TBC1D30: variants seen among roughly 807,000 people sequenced by gnomAD.
The protein encoded by TBC1D30 is TBC1 domain family member 30.
In TBC1D30, 31 loss-of-function variants were observed where a neutral mutation model predicts 63.2. The ratio of observed to expected loss-of-function variants is 0.49; its 90% CI spans 0.37 to 0.66. TBC1D30 has a LOEUF of 0.66. Among genes scored for constraint, TBC1D30 ranks in the 30% least tolerant of loss-of-function variants. The pLI is 0.00. For missense variants in TBC1D30, 810 were observed against 953.6 expected (o/e 0.85, Z 1.98); for synonymous variants, 307 against 361.5 (o/e 0.85, Z 1.71).
At chr12:64,848,859 C>A (rs1876620814) in intron 8 of TBC1D30, among the ~76,000 whole-genome samples, 1 of 152,204 alleles carries the variant, frequency 6.6e-6, no homozygotes, top group Non-Finnish European at 1.5e-5. Context: ...CACTGTCTTC[C>A]ACAATGGTTG....
chr12:64,783,562 G>T (rs1046316658), intron 1 of TBC1D30, among the ~76,000 whole-genome samples: 2 of 152,128 alleles, frequency 1.3e-5, no homozygotes, highest in South Asian at 2.1e-4. Flanking sequence ...GGCTATGGCC[G>T]ATGTCATGGA....
At chr12:64,762,029 A>C (rs190371609) in intron 1 of TBC1D30, among the ~76,000 whole-genome samples, 452 of 152,332 alleles carry the variant, frequency 3.0e-3, no homozygotes, top group African/African-American at 0.01. Context: ...CTATGAAGGA[A>C]AAGTAAAGGG....
At chr12:64,847,475 T>G (rs1876494147) in intron 8 of TBC1D30, among the ~76,000 whole-genome samples, 2 of 152,180 alleles carry the variant, frequency 1.3e-5, no homozygotes, top group African/African-American at 4.8e-5. Flanking sequence ...CATTACATTA[T>G]TTATTTGACG....
chr12:64,838,308 A>G (rs555794590), intron 6 of TBC1D30, among the ~76,000 whole-genome samples: 1 of 152,332 alleles, frequency 6.6e-6, no homozygotes, highest in East Asian at 1.9e-4. Flanking sequence ...TTTGAATATA[A>G]GTGGGCATTA....
rs1879019342 is a variant in TBC1D30, at chr12:64,875,721, A to C, written c.2219A>C (p.His740Pro). 1 of 1,536,454 alleles carries C rather than the reference A, an allele frequency of 6.5e-7. No homozygotes were observed. The highest frequency in any genetic ancestry group is 8.7e-7 in the Non-Finnish European group (1 of 1,146,978). The change falls in exon 12 of 12, where the codon CAC (histidine) becomes CCC (proline). Residue 740 changes from histidine to proline, a missense_variant. Coordinates refer to ENST00000539867, the MANE Select transcript of TBC1D30 (RefSeq NM_015279.2). Reference protein sequence around the residue: ...YGPTERTPTVHFPQMSRSFSK... With the variant: ...YGPTERTPTVPFPQMSRSFSK... ...CCTACAGAAAGAACCCCAACTGTGC[A>C]CTTTCCTCAAATGAGTAGGAGCTTC...
At chr12:64,837,630 G>A (rs886627018) in intron 6 of TBC1D30, among the ~76,000 whole-genome samples, 1 of 152,144 alleles carries the variant, frequency 6.6e-6, no homozygotes, top group Non-Finnish European at 1.5e-5. Flanking sequence ...TTTGCTTGCT[G>A]CTCACCTCCT....
chr12:64,870,673 C>A lies in TBC1D30; in HGVS notation c.1363C>A (p.Arg455=). 6.5e-7 allele frequency: 1 copy of A among 1,536,056 alleles called. No individual in the cohort carries two copies. Among genetic ancestry groups the A allele is most frequent in the East Asian group, 2.4e-5 (1 of 40,910 alleles). ...ELSPGAINSC[R]SEYHAAFNSM... ...GAGTCCAGGAGCAATCAATTCCTGT[C>A]GAAGTGAATACCATGCAGCTTTTAA... is the stretch of plus-strand genomic sequence containing the variant. Residue 455 remains arginine (R), a synonymous_variant, in exon 11 of 12, where the codon CGA becomes AGA. Coordinates refer to ENST00000539867, the MANE Select transcript of TBC1D30 (RefSeq NM_015279.2).
At chr12:64,871,428 G>A (rs1878648589) in intron 11 of TBC1D30, among the ~76,000 whole-genome samples, 1 of 152,130 alleles carries the variant, frequency 6.6e-6, no homozygotes. Flanking sequence ...TGCTGATTTG[G>A]GAGTTGTTTT....
chr12:64,860,429 C>T (rs967094769), intron 8 of TBC1D30, among the ~76,000 whole-genome samples: 2 of 152,130 alleles, frequency 1.3e-5, no homozygotes, highest in African/African-American at 4.8e-5. Flanking sequence ...GTTGGGATTA[C>T]AGGCATGAGC....
chr12:64,854,669 G>A (rs1158755734), intron 8 of TBC1D30, among the ~76,000 whole-genome samples: 1 of 151,814 alleles, frequency 6.6e-6, no homozygotes, highest in Non-Finnish European at 1.5e-5. Flanking sequence ...TAATTTTTTT[G>A]TATTGTTAGT....
At chr12:64,762,501 C>T (rs766481635) in intron 1 of TBC1D30, among the ~76,000 whole-genome samples, 1 of 152,082 alleles carries the variant, frequency 6.6e-6, no homozygotes, top group African/African-American at 2.4e-5. Context: ...AGTTTATGTG[C>T]ATTTGGCGAG....
intron 2 of TBC1D30, 105 bp from the exon 3 acceptor site, chr12:64,828,339 G>T: frequency 2.5e-6 from 2 of 804,416 alleles, no homozygotes; most frequent in Non-Finnish European, 4.1e-6. Context: ...CCATTGTGCT[G>T]TGCAAATTTC....
At chr12:64,845,433 A>G (rs1565673710) in intron 8 of TBC1D30, among the ~76,000 whole-genome samples, 1 of 152,128 alleles carries the variant, frequency 6.6e-6, no homozygotes, top group Non-Finnish European at 1.5e-5. Context: ...CGGTTCAACA[A>G]TTGCTCCTGG....
At chr12:64,870,071 A>T (rs1444219269) in intron 10 of TBC1D30, among the ~76,000 whole-genome samples, 1 of 152,234 alleles carries the variant, frequency 6.6e-6, no homozygotes, top group East Asian at 1.9e-4. Context: ...AGTGGACAGG[A>T]AATGTTTGTT....
Position 64,800,093 on chromosome 12 carries a change from G to A in TBC1D30, c.643+14048G>A, listed in dbSNP as rs111694764. Reference sequence around the variant, plus strand: ...TACACTCCAGCCTGGGCTACAGAGTGAGACTCCCTCTCAAACAAAACAAAA... The same window carrying A: ...TACACTCCAGCCTGGGCTACAGAGTAAGACTCCCTCTCAAACAAAACAAAA... On this transcript the variant is annotated intron_variant, in intron 2 of 12. Coordinates refer to the TBC1D30 transcript ENST00000542120. 8.2e-4 allele frequency among the ~76,000 whole-genome samples: 125 copies of A among 152,268 alleles called. 2 individuals carry two copies. Among genetic ancestry groups the A allele is most frequent in the African/African-American group, 2.1e-3 (87 of 41,566 alleles).
rs1387268104 is a variant in TBC1D30, at chr12:64,877,477, G to A, written c.*1689G>A. 1.3e-5 allele frequency: 2 copies of A among 152,180 alleles called. No homozygotes were observed. The highest frequency in any genetic ancestry group is 4.8e-5 in the African/African-American group (2 of 41,434). The allele number at this position is 152,180 out of a possible 1,614,324, so 9.4% of individuals were successfully genotyped here. On this transcript the variant is annotated 3_prime_UTR_variant, in exon 12 of 12. Coordinates refer to ENST00000539867, the MANE Select transcript of TBC1D30 (RefSeq NM_015279.2). Reference sequence around the variant, plus strand: ...AAAACACAACAATGACCTATACCGTGAGAAAAGCCATTTTATCTTCTTCGT... The same window carrying A: ...AAAACACAACAATGACCTATACCGTAAGAAAAGCCATTTTATCTTCTTCGT...
intron 2 of TBC1D30, among the ~76,000 whole-genome samples, chr12:64,786,784 CT>C (rs1871614503): frequency 6.6e-6 from 1 of 151,852 alleles, no homozygotes. Flanking sequence ...AACCCCATCT[CT>C]ACTAAAAATT....
upstream of TBC1D30, among the ~76,000 whole-genome samples, chr12:64,777,092 T>G (rs1012586539): frequency 1.4e-4 from 21 of 152,224 alleles, no homozygotes; most frequent in African/African-American, 5.1e-4. Context: ...AAACTAGGTA[T>G]TGAAGTAACA....
intron 1 of TBC1D30, among the ~76,000 whole-genome samples, chr12:64,761,966 A>G (rs1438331308): frequency 1.3e-5 from 2 of 152,216 alleles, no homozygotes; most frequent in Non-Finnish European, 2.9e-5. Flanking sequence ...GTCTAATGGC[A>G]GAGAGATGGA....
Sources: allele counts gnomAD v4.1 joint callset (sites outside exome capture counted in the v4.1 genomes callset), GRCh38; gene constraint gnomAD v4.1.1; transcripts MANE v1.5; gene names NCBI Gene and HGNC (gene_info 2026-07-23, HGNC 2026-07-21).